AASS: variants seen among roughly 807,000 people sequenced by gnomAD.
AASS encodes the protein aminoadipate-semialdehyde synthase, also known as alpha-aminoadipic semialdehyde synthase, mitochondrial.
A neutral mutation model predicts 105.4 loss-of-function variants in AASS; 86 were observed. That is an observed-to-expected ratio of 0.82 (90% CI 0.69 to 0.98). AASS has a LOEUF of 0.98. AASS is among the 50% of genes least tolerant of loss of function. The pLI, the probability that AASS is intolerant of heterozygous loss-of-function variation, is 0.00. For missense variants in AASS, 1,048 were observed against 1,143.2 expected (o/e 0.92, Z 1.20); for synonymous variants, 381 against 394.8 (o/e 0.96, Z 0.41).
At chr7:122,133,277 A>G (rs1344315040) in intron 2 of AASS, among the ~76,000 whole-genome samples, 4 of 152,162 alleles carry the variant, frequency 2.6e-5, no homozygotes, top group Admixed American at 1.3e-4. Context: ...ATGGAGTCTT[A>G]TCCCCCTAGT....
chr7:122,118,725 A>ATTGG, intron 4 of AASS, 95 bp from the exon 5 acceptor site: 4 of 1,215,434 alleles, frequency 3.3e-6, no homozygotes, highest in Non-Finnish European at 4.8e-6. Context: ...TGCCCTGCAG[A>ATTGG]AGCACAGATC....
intron 11 of AASS, among the ~76,000 whole-genome samples, chr7:122,108,441 C>G (rs1472291502): frequency 6.6e-6 from 1 of 151,858 alleles, no homozygotes; most frequent in African/African-American, 2.4e-5. Flanking sequence ...ACTAGAAAAC[C>G]AAATTTAACA....
chr7:122,113,184 C>T lies in AASS; in HGVS notation c.1212G>A (p.Pro404=), dbSNP rs375511924. ...CTGTAGCTTCAATTGGGAGCTGTGC[C>T]GGCAAATTGTCAATGGAACACATCA... is the stretch of plus-strand genomic sequence containing the variant. ...GILMCSIDNL[P]AQLPIEATEC... is the part of the protein sequence containing the mutation. The change falls in exon 11 of 24, where the codon CCG becomes CCA. Residue 404 remains proline, a synonymous_variant. Coordinates refer to ENST00000417368, the MANE Select transcript of AASS (RefSeq NM_005763.4). 2.1e-4 allele frequency: 331 copies of T among 1,613,902 alleles called. No individual in the cohort carries two copies. The highest frequency in any genetic ancestry group is 6.6e-4 in the Middle Eastern group (4 of 6,084).
intron 2 of AASS, among the ~76,000 whole-genome samples, chr7:122,130,340 G>C (rs1022578121): frequency 2.0e-5 from 3 of 151,952 alleles, no homozygotes; most frequent in Admixed American, 1.3e-4. Context: ...AATACAAAGA[G>C]AGAAGTAAAG....
intron 4 of AASS, among the ~76,000 whole-genome samples, chr7:122,125,841 C>T (rs1289573679): frequency 6.6e-6 from 1 of 152,158 alleles, no homozygotes; most frequent in Non-Finnish European, 1.5e-5. Flanking sequence ...AGAGGAACCT[C>T]TACTTTTATT....
At chr7:122,097,358 A>G (rs1330151381) in intron 15 of AASS, among the ~76,000 whole-genome samples, 15 of 151,930 alleles carry the variant, frequency 9.9e-5, no homozygotes. Context: ...AACCAAATTT[A>G]TTTATTTATT....
intron 2 of AASS, among the ~76,000 whole-genome samples, chr7:122,130,935 A>G (rs1795883641): frequency 6.6e-6 from 1 of 151,546 alleles, no homozygotes; most frequent in South Asian, 2.1e-4. Flanking sequence ...TACTAAAGAA[A>G]GAAAGCAAGG....
At chr7:122,133,871 G>C in intron 1 of AASS, 130 bp from the exon 2 acceptor site, 1 of 838,980 alleles carries the variant, frequency 1.2e-6, no homozygotes, top group Non-Finnish European at 2.0e-6. Context: ...AGAGAAGAGG[G>C]AAGGGAAAAC....
chr7:122,129,773 G>A (rs1562990895), intron 2 of AASS, among the ~76,000 whole-genome samples: 1 of 151,598 alleles, frequency 6.6e-6, no homozygotes, highest in South Asian at 2.1e-4. Context: ...ATATATATAT[G>A]TATGTTTAAG....
chr7:122,125,951 A>C (rs1795638670), intron 4 of AASS, among the ~76,000 whole-genome samples: 1 of 152,194 alleles, frequency 6.6e-6, no homozygotes, highest in South Asian at 2.1e-4. Flanking sequence ...CTGATCTGAA[A>C]CAGAGCTACA....
intron 11 of AASS, among the ~76,000 whole-genome samples, chr7:122,103,307 T>C (rs1156831574): frequency 6.6e-6 from 1 of 152,034 alleles, no homozygotes; most frequent in Non-Finnish European, 1.5e-5. Flanking sequence ...TGGGATGATA[T>C]ATTCAAAGTG....
rs1795198257 is a variant in AASS at position 122,116,743 on chromosome 7, C to T, written c.784G>A (p.Gly262Arg). 2 of 1,613,942 alleles carry T rather than the reference C, an allele frequency of 1.2e-6. No individual in the cohort carries two copies. The highest frequency in any genetic ancestry group is 1.7e-6 in the Non-Finnish European group (2 of 1,180,000). Residue 262 changes from glycine to arginine, a missense_variant, in exon 8 of 24, where the codon GGG (glycine) becomes AGG (arginine). Gly to Arg is a moderately radical substitution (Grantham distance 125, BLOSUM62 -2). Coordinates refer to ENST00000417368, the MANE Select transcript of AASS (RefSeq NM_005763.4). The stretch of plus-strand genomic sequence containing the variant: ...TGATGATGACGACTTAACACCGTCC[C>T]ATACACTTTTCTGAGGTCTTGAAAA... ...SQTGDLRKVY[G>R]TVLSRHHHLV...
intron 15 of AASS, among the ~76,000 whole-genome samples, chr7:122,094,882 T>C (rs1156283429): frequency 1.3e-5 from 2 of 151,926 alleles, no homozygotes; most frequent in East Asian, 1.9e-4. Context: ...TGACCTAGTT[T>C]GACACTTCCT....
intron 18 of AASS, among the ~76,000 whole-genome samples, chr7:122,090,274 C>T (rs891590351): frequency 1.3e-5 from 2 of 152,088 alleles, no homozygotes; most frequent in African/African-American, 4.8e-5. Context: ...ATTTTAAGTG[C>T]AGCTGTGATT....
At chr7:122,082,162 A>G (rs1793366383) in intron 19 of AASS, among the ~76,000 whole-genome samples, 1 of 152,160 alleles carries the variant, frequency 6.6e-6, no homozygotes, top group Admixed American at 6.5e-5. Flanking sequence ...TTTCTAAGAT[A>G]TGATGATATC....
intron 4 of AASS, among the ~76,000 whole-genome samples, chr7:122,121,080 C>G (rs1317405208): frequency 6.6e-6 from 1 of 150,738 alleles, no homozygotes; most frequent in Non-Finnish European, 1.5e-5. Flanking sequence ...TTTTTAATGC[C>G]CTTTTTCTTG....
Position 122,096,119 on chromosome 7 carries a change from A to G in AASS, c.1655+2331T>C, listed in dbSNP as rs1027316740. 6.0e-4 allele frequency among the ~76,000 whole-genome samples: 91 copies of G among 152,272 alleles called. 3 individuals carry two copies. Among genetic ancestry groups the G allele is most frequent in the Admixed American group, 6.0e-3 (91 of 15,278 alleles). On this transcript the variant is annotated intron_variant, in intron 15 of 23. Coordinates refer to ENST00000417368, the MANE Select transcript of AASS (RefSeq NM_005763.4). ...ACCCAATTACTCCAAAAGGTCGAAA[A>G]TGTCACTTGTGAAAAATACACACAA...
intron 6 of AASS, 62 bp downstream of exon 6, chr7:122,118,245 A>T (rs1171139488): frequency 4.4e-6 from 7 of 1,590,832 alleles, no homozygotes; most frequent in Non-Finnish European, 6.0e-6. Context: ...GGCTGCCCAC[A>T]TCATTTGGGT....
Position 122,137,613 on chromosome 7 carries a change from T to G in AASS, c.-15-3872A>C, listed in dbSNP as rs1347072744. 2.0e-5 allele frequency among the ~76,000 whole-genome samples: 3 copies of G among 152,182 alleles called. No homozygotes were observed. In the East Asian group the frequency reaches 5.8e-4, roughly 29 times the overall value. ...TAACTGCTAGTTACTGCTTGAACCT[T>G]AAAACTTGGTCTCAGCATAGAACTT... On this transcript the variant is annotated intron_variant, in intron 1 of 23. Transcript: ENST00000417368.
Sources: gnomAD v4.1 joint callset for allele counts (sites outside exome capture counted in the v4.1 genomes callset) on GRCh38, gnomAD v4.1.1 for gene constraint, MANE v1.5 for transcripts, NCBI Gene and HGNC (gene_info 2026-07-23, HGNC 2026-07-21) for gene names.